The following DNM3 variants were observed in gnomAD, a reference collection of about 807,000 sequenced individuals.
DNM3 encodes dynamin-3.
Under a neutral mutation model 101.6 loss-of-function variants are expected in DNM3, and 47 were observed. The ratio of observed to expected loss-of-function variants is 0.46; its 90% CI spans 0.37 to 0.59. The LOEUF (loss-of-function observed/expected upper bound fraction) is 0.59. Among genes scored for constraint, DNM3 ranks in the 20% least tolerant of loss-of-function variants. The pLI is 0.00. For synonymous variants in DNM3, 385 were observed against 387.9 expected, an observed-to-expected ratio of 0.99 and a Z score of 0.09; for missense variants, 849 against 1,085.7, an observed-to-expected ratio of 0.78 and a Z score of 3.06.
chr1:172,045,647 A>T (rs960614154), intron 9 of DNM3, among the ~76,000 whole-genome samples: 1 of 152,224 alleles, frequency 6.6e-6, no homozygotes, highest in African/African-American at 2.4e-5. Flanking sequence ...TTTAAAGCAC[A>T]TATTTATTCA....
At chr1:172,247,527 G>A (rs1263839843) in intron 14 of DNM3, among the ~76,000 whole-genome samples, 1 of 151,914 alleles carries the variant, frequency 6.6e-6, no homozygotes, top group East Asian at 1.9e-4. Context: ...AGCAAGTGAA[G>A]AATTTAACAA....
At chr1:172,025,663 G>A (rs769009336) in intron 4 of DNM3, among the ~76,000 whole-genome samples, 17 of 152,146 alleles carry the variant, frequency 1.1e-4, no homozygotes, top group Non-Finnish European at 2.4e-4. Flanking sequence ...AGGCAAACAG[G>A]ATCTGGAGTG....
intron 1 of DNM3, 128 bp downstream of exon 1, chr1:171,841,945 A>G (rs1571199514): frequency 2.5e-5 from 10 of 392,748 alleles, no homozygotes; most frequent in South Asian, 1.8e-4. Flanking sequence ...TGGGGGGCAG[A>G]GTGGAATGGG....
At chr1:171,842,314 G>A (rs1165987365) in intron 1 of DNM3, among the ~76,000 whole-genome samples, 1 of 151,992 alleles carries the variant, frequency 6.6e-6, no homozygotes, top group Non-Finnish European at 1.5e-5. Flanking sequence ...AGGTGGAGAT[G>A]CTTTCCTTCT....
intron 14 of DNM3, chr1:172,140,169 C>T (rs2057492722): frequency 6.6e-6 from 1 of 151,900 alleles, no homozygotes; most frequent in African/African-American, 2.4e-5. Context: ...GAGAAAATTA[C>T]AATTTTCTAC....
intron 7 of DNM3, among the ~76,000 whole-genome samples, chr1:172,039,311 G>A (rs1037281250): frequency 6.6e-6 from 1 of 152,030 alleles, no homozygotes; most frequent in Non-Finnish European, 1.5e-5. Flanking sequence ...CAGCAGCGTG[G>A]CAATCAAAGC....
intron 13 of DNM3, among the ~76,000 whole-genome samples, chr1:172,095,881 C>T (rs76680855): frequency 0.01 from 1,533 of 152,250 alleles, 24 homozygotes; most frequent in African/African-American, 0.033. Context: ...CATAATTTAC[C>T]GAAAGCTGGA....
chr1:171,955,516 C>T (rs927382814), intron 2 of DNM3, among the ~76,000 whole-genome samples: 1 of 152,036 alleles, frequency 6.6e-6, no homozygotes, highest in Non-Finnish European at 1.5e-5. Flanking sequence ...TTAAATGGTA[C>T]AATGTGGTCA....
intron 14 of DNM3, among the ~76,000 whole-genome samples, 171 bp from the exon 15 acceptor site, chr1:172,253,402 C>G (rs2062261359): frequency 1.3e-5 from 2 of 151,916 alleles, no homozygotes; most frequent in African/African-American, 4.8e-5. Context: ...ATGATATTAT[C>G]AAGATAGTGT....
chr1:172,305,380 G>A (rs958351684), intron 15 of DNM3, among the ~76,000 whole-genome samples: 6 of 152,158 alleles, frequency 3.9e-5, no homozygotes, highest in African/African-American at 1.2e-4. Context: ...CTGAAATTGA[G>A]GCAATAATCA....
chr1:171,991,531 C>T (rs2045630880), intron 4 of DNM3, among the ~76,000 whole-genome samples: 1 of 152,186 alleles, frequency 6.6e-6, no homozygotes, highest in African/African-American at 2.4e-5. Context: ...TCCATGTTCT[C>T]TCCGGGCACA....
At chr1:171,987,214 C>T (rs1467221136) in intron 2 of DNM3, 41 of 703,358 alleles carry the variant, frequency 5.8e-5, no homozygotes, top group Middle Eastern at 7.2e-4. Flanking sequence ...TTTCCCTTAA[C>T]TTATTTTGCC....
chr1:171,881,912 C>T (rs76064941), intron 1 of DNM3, among the ~76,000 whole-genome samples: 2,949 of 152,206 alleles, frequency 0.019, 42 homozygotes, highest in Non-Finnish European at 0.03. Context: ...GGAACTAAAT[C>T]CTAGAATTTC....
intron 2 of DNM3, among the ~76,000 whole-genome samples, chr1:171,972,494 T>C (rs2044065384): frequency 6.6e-6 from 1 of 152,212 alleles, no homozygotes; most frequent in East Asian, 1.9e-4. Flanking sequence ...TATACTATAA[T>C]AGTGATAAAA....
chr1:172,113,434 A>C (rs2055637505), intron 13 of DNM3, among the ~76,000 whole-genome samples: 1 of 152,080 alleles, frequency 6.6e-6, no homozygotes, highest in Non-Finnish European at 1.5e-5. Flanking sequence ...CCTGGCCGAC[A>C]TGGTGAAACC....
At chr1:172,066,952 TTGTGTG>T (rs61202714) in intron 10 of DNM3, among the ~76,000 whole-genome samples, 47 of 149,970 alleles carry the variant, frequency 3.1e-4, no homozygotes, top group African/African-American at 7.3e-4. Flanking sequence ...GTCTCTGTGT[TTGTGTG>T]TGTGTGTGTG....
At chr1:172,168,325 G>A (rs926955404) in intron 14 of DNM3, among the ~76,000 whole-genome samples, 2 of 151,800 alleles carry the variant, frequency 1.3e-5, no homozygotes, top group Admixed American at 6.6e-5. Flanking sequence ...CCTCACTATG[G>A]GCTATCATTT....
chr1:172,126,673 T>C (rs1350479194), intron 13 of DNM3, among the ~76,000 whole-genome samples: 1 of 152,108 alleles, frequency 6.6e-6, no homozygotes, highest in African/African-American at 2.4e-5. Flanking sequence ...CACATCAGCT[T>C]AAACTCTGAA....
At chr1:172,051,505 A>C (rs756287585) in intron 10 of DNM3, among the ~76,000 whole-genome samples, 25 of 152,176 alleles carry the variant, frequency 1.6e-4, no homozygotes, top group Non-Finnish European at 2.6e-4. Context: ...TAGTTTCATG[A>C]CTTCTGGCTC....
Sources: gnomAD v4.1 joint callset for allele counts (sites outside exome capture counted in the v4.1 genomes callset) on GRCh38, gnomAD v4.1.1 for gene constraint, MANE v1.5 for transcripts, NCBI Gene and HGNC (gene_info 2026-07-23, HGNC 2026-07-21) for gene names.